The following DLG1 variants were observed in gnomAD, a reference collection of about 807,000 sequenced individuals.
DLG1 encodes discs large MAGUK scaffold protein 1, also known as disks large homolog 1.
DLG1 carries 42 observed loss-of-function variants against 123.4 expected under a neutral mutation model. The ratio of observed to expected loss-of-function variants is 0.34; its 90% CI spans 0.27 to 0.44. The LOEUF (loss-of-function observed/expected upper bound fraction) is 0.44. DLG1 is among the 20% of genes least tolerant of loss of function. The pLI, the probability that DLG1 is intolerant of heterozygous loss-of-function variation, is 1.00. For synonymous variants in DLG1, 317 were observed against 356.2 expected (o/e 0.89, Z 1.24); for missense variants, 942 against 1,082.6 (o/e 0.87, Z 1.82).
chr3:197,054,003 G>A (rs1165356910), intron 23 of DLG1, among the ~76,000 whole-genome samples: 1 of 149,860 alleles, frequency 6.7e-6, no homozygotes, highest in Non-Finnish European at 1.5e-5. Flanking sequence ...GAGGTGAGAG[G>A]CTGCTTGAGC....
chr3:197,157,499 A>C (rs79613477), intron 5 of DLG1, among the ~76,000 whole-genome samples: 19,578 of 152,202 alleles, frequency 0.13, 1,589 homozygotes, highest in Admixed American at 0.19. Flanking sequence ...GAAAGTAAAA[A>C]ACTTGGGCAA....
chr3:197,102,404 G>C (rs993007824), intron 14 of DLG1, among the ~76,000 whole-genome samples: 6 of 152,140 alleles, frequency 3.9e-5, no homozygotes, highest in African/African-American at 1.2e-4. Flanking sequence ...AAGCCTTTAG[G>C]AAAGATACTA....
chr3:197,286,737 C>A (rs35047758), intron 3 of DLG1, among the ~76,000 whole-genome samples: 327 of 152,186 alleles, frequency 2.1e-3, no homozygotes, highest in Non-Finnish European at 3.7e-3. Flanking sequence ...ATATACCACA[C>A]TAATGCAAGG....
chr3:197,281,609 G>T (rs1048150471), intron 4 of DLG1, among the ~76,000 whole-genome samples: 1 of 152,170 alleles, frequency 6.6e-6, no homozygotes, highest in Non-Finnish European at 1.5e-5. Context: ...TGGAAAAAAA[G>T]TGTAAAGAAA....
intron 4 of DLG1, among the ~76,000 whole-genome samples, chr3:197,246,889 T>G (rs1159018909): frequency 6.6e-6 from 1 of 152,164 alleles, no homozygotes; most frequent in Non-Finnish European, 1.5e-5. Flanking sequence ...AGGAATGTTT[T>G]GGATGGATGT....
chr3:197,253,807 T>C (rs1378021408), intron 4 of DLG1, among the ~76,000 whole-genome samples: 1 of 152,132 alleles, frequency 6.6e-6, no homozygotes, highest in African/African-American at 2.4e-5. Flanking sequence ...TTAGTGATAC[T>C]ATGCTAGAGT....
Position 197,297,165 on chromosome 3 carries a change from AG to A in DLG1, c.19+20del, listed in dbSNP as rs755564556. On this transcript the variant is annotated intron_variant, in intron 2 of 24. Coordinates refer to ENST00000667157, the MANE Select transcript of DLG1 (RefSeq NM_001366207.1). The stretch of plus-strand genomic sequence containing the variant: ...GAAAAGCAAGTGACATCGACAACAG[AG>A]TTACGGAATAAACTCTCACCTTGCT... The A allele has an allele frequency of 2.5e-6, 4 of 1,614,038 alleles. No homozygotes were observed. In the African/African-American group the frequency reaches 5.3e-5, roughly 22 times the overall value.
chr3:197,155,712 C>T (rs1796107220), intron 5 of DLG1, among the ~76,000 whole-genome samples: 1 of 152,026 alleles, frequency 6.6e-6, no homozygotes, highest in African/African-American at 2.4e-5. Context: ...GCAGAGATGG[C>T]TTGAGCCCAG....
chr3:197,149,630 AC>A (rs1389920494), intron 6 of DLG1, 112 bp downstream of exon 6: 2 of 762,482 alleles, frequency 2.6e-6, no homozygotes, highest in Non-Finnish European at 4.7e-6. Flanking sequence ...TAGTGATAGA[AC>A]ATCTTAAGAG....
At chr3:197,075,514 G>A (rs1746646287) in intron 18 of DLG1, among the ~76,000 whole-genome samples, 1 of 151,834 alleles carries the variant, frequency 6.6e-6, no homozygotes, top group African/African-American at 2.4e-5. Context: ...TTCTAATAAT[G>A]AGGGTACATT....
intron 4 of DLG1, among the ~76,000 whole-genome samples, chr3:197,240,894 T>C (rs890227080): frequency 1.4e-5 from 2 of 145,122 alleles, no homozygotes; most frequent in Non-Finnish European, 3.0e-5. Context: ...GCAACAAAGA[T>C]TGCCTATAAG....
chr3:197,085,310 GAACT>G, intron 16 of DLG1: 1 of 415,444 alleles, frequency 2.4e-6, no homozygotes, highest in African/African-American at 2.0e-5. Flanking sequence ...TGGAGGTGCA[GAACT>G]CACTCATCTT....
chr3:197,274,153 C>T (rs112517584), intron 4 of DLG1, among the ~76,000 whole-genome samples: 76 of 152,222 alleles, frequency 5.0e-4, no homozygotes, highest in African/African-American at 1.7e-3. Flanking sequence ...CCAGAACAAT[C>T]CTGAGCAGAA....
upstream of DLG1, chr3:197,298,931 T>G (rs570236133): frequency 1.5e-4 from 32 of 212,224 alleles, no homozygotes; most frequent in Middle Eastern, 3.1e-3. Context: ...GCAGAGAAGG[T>G]TTGTTCATTC....
At chr3:197,274,365 T>C (rs141243089) in intron 4 of DLG1, among the ~76,000 whole-genome samples, 6 of 152,310 alleles carry the variant, frequency 3.9e-5, no homozygotes, top group African/African-American at 7.2e-5. Flanking sequence ...CTTCGATAAA[T>C]GGTGCTGGGA....
chr3:197,056,949 C>T (rs1042558179), intron 23 of DLG1, among the ~76,000 whole-genome samples: 1 of 152,200 alleles, frequency 6.6e-6, no homozygotes, highest in South Asian at 2.1e-4. Context: ...TGAGATTCTT[C>T]TATACTTCTG....
intron 4 of DLG1, among the ~76,000 whole-genome samples, chr3:197,272,038 A>G (rs1764121092): frequency 6.6e-6 from 1 of 152,164 alleles, no homozygotes; most frequent in Non-Finnish European, 1.5e-5. Context: ...GTGCTACTAT[A>G]AGTTCTCATC....
chr3:197,202,952 G>A (rs1214788333), intron 4 of DLG1, among the ~76,000 whole-genome samples: 1 of 152,142 alleles, frequency 6.6e-6, no homozygotes, highest in African/African-American at 2.4e-5. Flanking sequence ...GAAGTGGAAG[G>A]GAAAATGTGT....
chr3:197,081,035 G>T lies in DLG1; in HGVS notation c.1905+16C>A. Reference sequence around the variant, plus strand: ...CAAACAGGAATTACAAAAATGTAGAGATTTCAAATACTCACCCCTTTATCT... The same window carrying T: ...CAAACAGGAATTACAAAAATGTAGATATTTCAAATACTCACCCCTTTATCT... On this transcript the variant is annotated intron_variant, in intron 17 of 24. Transcript: ENST00000667157. The T allele has an allele frequency of 6.2e-7, 1 of 1,606,336 alleles. No individual in the cohort carries two copies. The highest frequency in any genetic ancestry group is 2.2e-5 in the East Asian group (1 of 44,652).
Sources: gnomAD v4.1 joint callset for allele counts (sites outside exome capture counted in the v4.1 genomes callset) on GRCh38, gnomAD v4.1.1 for gene constraint, MANE v1.5 for transcripts, NCBI Gene and HGNC (gene_info 2026-07-23, HGNC 2026-07-21) for gene names.